Variants in AMD1 observed in about 807,000 individuals in gnomAD.
AMD1 encodes the protein adenosylmethionine decarboxylase 1, also known as S-adenosylmethionine decarboxylase proenzyme.
AMD1 carries 11 observed loss-of-function variants against 40.2 expected under a neutral mutation model. The ratio of observed to expected loss-of-function variants is 0.27; its 90% CI spans 0.17 to 0.45. The LOEUF (loss-of-function observed/expected upper bound fraction) is 0.45, where lower values mean the gene tolerates loss of function less well. AMD1 is among the 20% of genes least tolerant of loss of function. The pLI, the probability that AMD1 is intolerant of heterozygous loss-of-function variation, is 1.00. For synonymous variants in AMD1, 121 were observed against 130.8 expected (o/e 0.93, Z 0.51); for missense variants, 257 against 410.2 (o/e 0.63, Z 3.23).
the AMD1 span, among the ~76,000 whole-genome samples, chr6:110,837,900 T>TAA: frequency 6.7e-6 from 1 of 148,922 alleles, no homozygotes; most frequent in African/African-American, 2.5e-5. Context: ...CCGTCTCTAC[T>TAA]AAAACTACAA....
chr6:110,880,694 G>A (rs1273618409), intron 1 of AMD1, among the ~76,000 whole-genome samples: 1 of 151,926 alleles, frequency 6.6e-6, no homozygotes, highest in African/African-American at 2.4e-5. Context: ...TTTGAGACAC[G>A]CTTGTCTTGC....
At chr6:110,873,840 G>A (rs1304595391), upstream of AMD1, among the ~76,000 whole-genome samples, 2 of 152,156 alleles carry the variant, frequency 1.3e-5, no homozygotes, top group Non-Finnish European at 2.9e-5. Flanking sequence ...TAAGCACATG[G>A]GAAGATAGCA....
chr6:110,866,717 G>T, the AMD1 span, among the ~76,000 whole-genome samples: 2 of 152,046 alleles, frequency 1.3e-5, no homozygotes, highest in Non-Finnish European at 2.9e-5. Flanking sequence ...TTTTCAGAGG[G>T]TGGGGGAAGG....
chr6:110,854,411 T>G, the AMD1 span, among the ~76,000 whole-genome samples: 1 of 152,036 alleles, frequency 6.6e-6, no homozygotes, highest in Admixed American at 6.6e-5. Context: ...GGAAAACAAA[T>G]GAGTACAAAG....
chr6:110,875,395 G>C (rs933404091), intron 1 of AMD1, among the ~76,000 whole-genome samples, 180 bp downstream of exon 1: 1 of 152,140 alleles, frequency 6.6e-6, no homozygotes, highest in Non-Finnish European at 1.5e-5. Context: ...ATGTCCACGC[G>C]GGCCGGAGCC....
the AMD1 span, among the ~76,000 whole-genome samples, chr6:110,869,279 C>T: frequency 4.0e-5 from 6 of 151,494 alleles, no homozygotes; most frequent in Non-Finnish European, 7.4e-5. Flanking sequence ...TACAGGAGCC[C>T]GCCACCGCGC....
chr6:110,880,970 A>G (rs1785380529), intron 1 of AMD1, among the ~76,000 whole-genome samples: 5 of 152,216 alleles, frequency 3.3e-5, no homozygotes, highest in Admixed American at 3.3e-4. Context: ...AAGTCTTGTT[A>G]TAATATAATT....
At chr6:110,815,636 C>G in the AMD1 span, 2 of 153,190 alleles carry the variant, frequency 1.3e-5, no homozygotes, top group Non-Finnish European at 2.9e-5. Flanking sequence ...GCCCCTCCCC[C>G]TCAGGTAGCG....
the AMD1 span, among the ~76,000 whole-genome samples, chr6:110,817,215 C>G: frequency 6.6e-6 from 1 of 152,170 alleles, no homozygotes; most frequent in Non-Finnish European, 1.5e-5. Flanking sequence ...GAATAGTGAA[C>G]TGCCTGCTAG....
intron 1 of AMD1, among the ~76,000 whole-genome samples, chr6:110,883,302 A>G (rs1785502680): frequency 6.6e-6 from 1 of 152,152 alleles, no homozygotes; most frequent in Non-Finnish European, 1.5e-5. Context: ...ATTCCACTGA[A>G]CCAGCAGTGA....
At chr6:110,863,583 TG>T in the AMD1 span, among the ~76,000 whole-genome samples, 1 of 150,846 alleles carries the variant, frequency 6.6e-6, no homozygotes, top group Non-Finnish European at 1.5e-5. Flanking sequence ...TTGGCCAGGC[TG>T]GTCTTGAACG....
chr6:110,895,443 G>T lies in AMD1; in HGVS notation c.*1827G>T, dbSNP rs1286038361. ...GATTTGTTGACTTGAGGTCTGGTTT[G>T]GTTTTGTTTTTGTTTTGTTTTGTTT... On this transcript the variant is annotated 3_prime_UTR_variant, in exon 9 of 9. Transcript: ENST00000368885. 1.4e-5 allele frequency: 2 copies of T among 139,988 alleles called. No individual in the cohort carries two copies. The highest frequency in any genetic ancestry group is 2.8e-5 in the African/African-American group (1 of 35,772). The allele number at this position is 139,988 out of a possible 1,614,324, so 8.7% of individuals were successfully genotyped here.
the AMD1 span, among the ~76,000 whole-genome samples, chr6:110,823,280 G>T: frequency 6.6e-6 from 1 of 152,110 alleles, no homozygotes; most frequent in South Asian, 2.1e-4. Flanking sequence ...CACTGAATGG[G>T]GAAGAGTTGA....
chr6:110,832,117 G>T, the AMD1 span, among the ~76,000 whole-genome samples: 1 of 150,916 alleles, frequency 6.6e-6, no homozygotes. Flanking sequence ...AGGTTCAAGC[G>T]ATTCTTCTGC....
the AMD1 span, chr6:110,858,590 A>C: frequency 6.3e-7 from 1 of 1,588,554 alleles, no homozygotes; most frequent in Admixed American, 1.7e-5. Flanking sequence ...TGGGAACATG[A>C]CGCAGCTGCA....
chr6:110,823,618 T>C, the AMD1 span, among the ~76,000 whole-genome samples: 1 of 152,182 alleles, frequency 6.6e-6, no homozygotes, highest in Non-Finnish European at 1.5e-5. Flanking sequence ...AATTTTCTTC[T>C]GTTACCTTTA....
intron 6 of AMD1, 59 bp from the exon 7 acceptor site, chr6:110,892,676 G>C: frequency 1.0e-5 from 16 of 1,581,040 alleles, no homozygotes; most frequent in Non-Finnish European, 1.3e-5. Flanking sequence ...CTAAATTTTG[G>C]ACTCAATTGA....
chr6:110,878,741 TTAGAAAA>T lies in AMD1; in HGVS notation c.110+3535_110+3541del, dbSNP rs1233217747. Among the ~76,000 whole-genome samples, 7 of 152,260 alleles carry T rather than the reference TTAGAAAA, an allele frequency of 4.6e-5. No individual in the cohort carries two copies. In the South Asian group the frequency reaches 1.2e-3, roughly 27 times the overall value. On this transcript the variant is annotated intron_variant, in intron 1 of 8. Transcript: ENST00000368885. Reference sequence around the variant, plus strand: ...GTGAGAGTAGTAAGAAGGAAATCTGTTAGAAAATAGAAAATTTTGCTGAGAAAAGAAT... The same window carrying T: ...GTGAGAGTAGTAAGAAGGAAATCTGTTAGAAAATTTTGCTGAGAAAAGAAT...
intron 2 of AMD1, chr6:110,888,632 T>G: frequency 3.2e-6 from 1 of 315,962 alleles, no homozygotes. Flanking sequence ...TTAAACTAAG[T>G]TTATATTATG....
Sources: gnomAD v4.1 joint callset for allele counts (sites outside exome capture counted in the v4.1 genomes callset) on GRCh38, gnomAD v4.1.1 for gene constraint, MANE v1.5 for transcripts, NCBI Gene and HGNC (gene_info 2026-07-23, HGNC 2026-07-21) for gene names.